Variants in TMEM163 observed in about 807,000 individuals in gnomAD.
TMEM163 encodes the protein transmembrane protein 163.
Under a neutral mutation model 29.3 loss-of-function variants are expected in TMEM163, and 17 were observed. The ratio of observed to expected loss-of-function variants is 0.58; its 90% CI spans 0.40 to 0.87. The LOEUF (loss-of-function observed/expected upper bound fraction) is 0.87, where lower values mean the gene tolerates loss of function less well. Among genes scored for constraint, TMEM163 ranks in the 40% least tolerant of loss-of-function variants. The pLI is 0.00. For missense variants in TMEM163, 303 were observed against 381.5 expected, an observed-to-expected ratio of 0.79 and a Z score of 1.71; for synonymous variants, 157 against 160.6, an observed-to-expected ratio of 0.98 and a Z score of 0.17.
intron 2 of TMEM163, among the ~76,000 whole-genome samples, chr2:134,573,117 A>G (rs964856817): frequency 6.6e-6 from 1 of 152,174 alleles, no homozygotes; most frequent in Admixed American, 6.6e-5. Context: ...GCTTATTTAC[A>G]TGGCCCAAGG....
intron 4 of TMEM163, among the ~76,000 whole-genome samples, chr2:134,504,491 TC>T (rs5834417): frequency 0.2 from 29,728 of 150,952 alleles, 3,296 homozygotes; most frequent in South Asian, 0.37. Context: ...CTGGGAGAAC[TC>T]CACACTGCTG....
intron 5 of TMEM163, among the ~76,000 whole-genome samples, chr2:134,477,660 T>C (rs1197465752): frequency 6.6e-6 from 1 of 152,158 alleles, no homozygotes; most frequent in East Asian, 1.9e-4. Flanking sequence ...TGAGAAAACA[T>C]ACCATGAAGG....
intron 6 of TMEM163, among the ~76,000 whole-genome samples, chr2:134,465,182 G>A (rs1472574875): frequency 1.0e-4 from 10 of 97,448 alleles, no homozygotes; most frequent in African/African-American, 6.7e-4. Flanking sequence ...TGGTGAGTCC[G>A]CATCTTTAAA....
intron 2 of TMEM163, among the ~76,000 whole-genome samples, chr2:134,599,798 G>A (rs1682184074): frequency 6.6e-6 from 1 of 150,784 alleles, no homozygotes; most frequent in Non-Finnish European, 1.5e-5. Context: ...CTCCCAGAGT[G>A]TTGAGATTAC....
intron 2 of TMEM163, among the ~76,000 whole-genome samples, chr2:134,690,215 G>A (rs1574341677): frequency 6.6e-6 from 1 of 151,624 alleles, no homozygotes; most frequent in Admixed American, 6.6e-5. Flanking sequence ...ACAGGGGTGA[G>A]CCACCGTACC....
chr2:134,478,767 G>A (rs1251149879), intron 5 of TMEM163, among the ~76,000 whole-genome samples: 2 of 152,218 alleles, frequency 1.3e-5, no homozygotes, highest in Non-Finnish European at 2.9e-5. Flanking sequence ...TAGCAGGACT[G>A]AAAGGGAGCC....
intron 6 of TMEM163, chr2:134,458,722 A>G (rs528414710): frequency 6.5e-6 from 1 of 153,520 alleles, no homozygotes; most frequent in South Asian, 2.0e-4. Flanking sequence ...GAGGTTATCC[A>G]GATTGAGAAG....
chr2:134,516,981 G>T (rs1011677919), intron 4 of TMEM163, among the ~76,000 whole-genome samples: 1 of 151,958 alleles, frequency 6.6e-6, no homozygotes, highest in Non-Finnish European at 1.5e-5. Context: ...TAGTGGATTA[G>T]TTTACATGGA....
chr2:134,511,086 G>C (rs1256109245), intron 4 of TMEM163, among the ~76,000 whole-genome samples: 1 of 139,166 alleles, frequency 7.2e-6, no homozygotes, highest in African/African-American at 2.8e-5. Flanking sequence ...ATGGGGATAG[G>C]CAATGAACAC....
chr2:134,709,876 T>A (rs768893838), intron 2 of TMEM163, among the ~76,000 whole-genome samples: 1 of 152,238 alleles, frequency 6.6e-6, no homozygotes, highest in Non-Finnish European at 1.5e-5. Flanking sequence ...CCTGGAGGCT[T>A]CATCTGCATG....
chr2:134,578,097 C>A (rs1681607394), intron 2 of TMEM163, among the ~76,000 whole-genome samples: 1 of 152,058 alleles, frequency 6.6e-6, no homozygotes, highest in African/African-American at 2.4e-5. Flanking sequence ...TTTAACCCTC[C>A]AATTTTCCTA....
At chr2:134,699,553 A>G (rs1286355671) in intron 2 of TMEM163, among the ~76,000 whole-genome samples, 1 of 152,194 alleles carries the variant, frequency 6.6e-6, no homozygotes, top group Non-Finnish European at 1.5e-5. Flanking sequence ...ATATAACCAC[A>G]TAAGTTTACA....
chr2:134,634,811 C>T (rs1683066931), intron 2 of TMEM163, among the ~76,000 whole-genome samples: 1 of 152,244 alleles, frequency 6.6e-6, no homozygotes, highest in African/African-American at 2.4e-5. Context: ...CAGAAACAGG[C>T]AGTGGTTGGC....
chr2:134,535,879 C>T (rs1012685825), intron 4 of TMEM163, among the ~76,000 whole-genome samples: 5 of 151,990 alleles, frequency 3.3e-5, no homozygotes, highest in African/African-American at 7.2e-5. Context: ...TGCACCACGA[C>T]GCCTGGCTTA....
chr2:134,699,311 C>T (rs192941124), intron 2 of TMEM163, among the ~76,000 whole-genome samples: 1 of 152,276 alleles, frequency 6.6e-6, no homozygotes, highest in Admixed American at 6.5e-5. Context: ...CGAGACCAGG[C>T]TGGCCAACAT....
chr2:134,642,060 C>A (rs1683233823), intron 2 of TMEM163, among the ~76,000 whole-genome samples: 1 of 151,918 alleles, frequency 6.6e-6, no homozygotes, highest in Non-Finnish European at 1.5e-5. Context: ...TACCTAACAG[C>A]AGAGCTTCAA....
chr2:134,609,950 G>A (rs903434870), intron 2 of TMEM163, among the ~76,000 whole-genome samples: 7 of 152,086 alleles, frequency 4.6e-5, no homozygotes, highest in South Asian at 2.1e-4. Context: ...AAGGTTTTAC[G>A]AGGCCTACAG....
chr2:134,468,999 G>A (rs1686731416), intron 5 of TMEM163: 1 of 152,116 alleles, frequency 6.6e-6, no homozygotes, highest in Non-Finnish European at 1.5e-5. Flanking sequence ...GAGTTGTTGT[G>A]AAGGGGCCCA....
At chr2:134,473,601 TA>T (rs1686852712) in intron 5 of TMEM163, among the ~76,000 whole-genome samples, 1 of 148,650 alleles carries the variant, frequency 6.7e-6, no homozygotes, top group South Asian at 2.1e-4. Context: ...GAAGAATCAA[TA>T]AAACCAAAGA....
Sources: gnomAD v4.1 joint callset for allele counts (sites outside exome capture counted in the v4.1 genomes callset) on GRCh38, gnomAD v4.1.1 for gene constraint, MANE v1.5 for transcripts, NCBI Gene and HGNC (gene_info 2026-07-23, HGNC 2026-07-21) for gene names.